Variants in LRCH1 observed in about 807,000 individuals in gnomAD.
LRCH1 encodes leucine-rich repeat and calponin homology domain-containing protein 1.
A neutral mutation model predicts 94.9 loss-of-function variants in LRCH1; 23 were observed. The observed-to-expected ratio is 0.24, with a 90% CI of 0.17 to 0.34. The LOEUF (loss-of-function observed/expected upper bound fraction) is 0.34. Among genes scored for constraint, LRCH1 ranks in the 10% least tolerant of loss-of-function variants. The pLI is 1.00. For synonymous variants in LRCH1, 364 were observed against 354.9 expected, an observed-to-expected ratio of 1.03 and a Z score of -0.29; for missense variants, 790 against 945.9, an observed-to-expected ratio of 0.84 and a Z score of 2.16.
chr13:46,705,129 G>C lies in LRCH1; in HGVS notation c.1462G>C (p.Ala488Pro). The change falls in exon 12 of 20, where the codon GCC (alanine) becomes CCC (proline). Residue 488 changes from alanine to proline, a missense_variant. This residue lies in a region of LRCH1 where 460 missense variants were observed against 508.9 expected (regional missense o/e 0.90). Coordinates refer to ENST00000389797, the MANE Select transcript of LRCH1 (RefSeq NM_001164211.2). ...LNLYPMGSAEALELQDSALNG... is the reference protein window; with the variant it reads ...LNLYPMGSAEPLELQDSALNG... ...CCTATATCCTATGGGATCAGCAGAA[G>C]CCTTAGAATTACAAGATTCTGCACT... 1.9e-6 allele frequency: 3 copies of C among 1,609,274 alleles called. No individual in the cohort carries two copies. In the South Asian group the frequency reaches 3.3e-5, roughly 18 times the overall value.
chr13:46,582,370 C>CTTTTTTTTTTTTTT (rs10686269), intron 1 of LRCH1, among the ~76,000 whole-genome samples: 2 of 79,590 alleles, frequency 2.5e-5, no homozygotes, highest in Admixed American at 3.5e-4. Context: ...TTGCTCTCAT[C>CTTTTTTTTTTTTTT]TTTTTTTTTT....
At chr13:46,713,263 C>T (rs139470375) in intron 15 of LRCH1, among the ~76,000 whole-genome samples, 11 of 152,264 alleles carry the variant, frequency 7.2e-5, no homozygotes, top group African/African-American at 2.6e-4. Context: ...TGCTAATCTT[C>T]CTTCTTTTAG....
intron 2 of LRCH1, among the ~76,000 whole-genome samples, chr13:46,665,026 T>C (rs2051496949): frequency 1.3e-5 from 2 of 152,202 alleles, no homozygotes; most frequent in African/African-American, 2.4e-5. Flanking sequence ...AAGCAGCCAA[T>C]TGAGTGAGTA....
rs543772992 is a variant in LRCH1, at chr13:46,553,194, G to A, written c.-203G>A. ...CGCAGTCCTTAGCTTCCCGGGGACA[G>A]GAAACCTTCAAGACCGAGCTGCCAC... On this transcript the variant is annotated 5_prime_UTR_variant, in exon 1 of 20. Transcript: ENST00000389797. The A allele has an allele frequency of 1.0e-4, 59 of 571,876 alleles. No individual in the cohort carries two copies. The East Asian group carries it at 1.5e-3, about 15-fold the overall frequency. The allele number at this position is 571,876 out of a possible 1,614,324, so 35.4% of individuals were successfully genotyped here.
chr13:46,620,832 A>G (rs1198840138), intron 1 of LRCH1, among the ~76,000 whole-genome samples: 1 of 152,250 alleles, frequency 6.6e-6, no homozygotes, highest in African/African-American at 2.4e-5. Context: ...CATTGACTAA[A>G]GATAATTAAC....
intron 3 of LRCH1, among the ~76,000 whole-genome samples, chr13:46,675,637 C>T (rs929588794): frequency 6.6e-6 from 1 of 152,152 alleles, no homozygotes; most frequent in African/African-American, 2.4e-5. Flanking sequence ...ATCCCTTCTT[C>T]ATTATTTGCT....
rs1175541797 is a variant in LRCH1, at chr13:46,743,645, C to G, written c.*1797C>G. 3.0e-6 allele frequency: 3 copies of G among 985,232 alleles called. No individual in the cohort carries two copies. The highest frequency in any genetic ancestry group is 3.6e-6 in the Non-Finnish European group (3 of 829,892). The allele number at this position is 985,232 out of a possible 1,614,324, so 61.0% of individuals were successfully genotyped here. A position where few individuals can be genotyped will look rare whatever the true frequency, so the allele number is the denominator to read the frequency against. ...GATACATGTATTCATGAGCTCTCAG[C>G]ATTCCCATCCAGCTCTGCAGTGCAT... is the stretch of plus-strand genomic sequence containing the variant. On this transcript the variant is annotated 3_prime_UTR_variant, in exon 20 of 20. Coordinates refer to ENST00000389797, the MANE Select transcript of LRCH1 (RefSeq NM_001164211.2).
chr13:46,672,242 A>C (rs1237505863), intron 3 of LRCH1, among the ~76,000 whole-genome samples: 1 of 151,708 alleles, frequency 6.6e-6, no homozygotes, highest in Non-Finnish European at 1.5e-5. Context: ...GTGCTGAATA[A>C]TATTCCACTG....
intron 1 of LRCH1, among the ~76,000 whole-genome samples, chr13:46,634,811 AG>A (rs2051063207): frequency 6.9e-6 from 1 of 145,430 alleles, no homozygotes; most frequent in African/African-American, 2.5e-5. Context: ...TCTATAAATG[AG>A]TGAGTAAGTG....
intron 1 of LRCH1, among the ~76,000 whole-genome samples, chr13:46,645,114 A>G (rs1409056672): frequency 6.6e-6 from 1 of 152,076 alleles, no homozygotes; most frequent in Non-Finnish European, 1.5e-5. Context: ...AAGGGGGGAG[A>G]GCAAATATAA....
rs1421449764 is a variant in LRCH1 at position 46,696,232 on chromosome 13, A to ACACT, written c.1245+1216_1245+1217insACTC. 3.0e-3 allele frequency among the ~76,000 whole-genome samples: 416 copies of ACACT among 140,286 alleles called. 1 individual carries two copies. The highest frequency in any genetic ancestry group is 0.01 in the African/African-American group (390 of 37,254). The allele number at this position is 140,286 out of a possible 152,430, so 92.0% of individuals were successfully genotyped here. A position where few individuals can be genotyped will look rare whatever the true frequency, so the allele number is the denominator to read the frequency against. The stretch of plus-strand genomic sequence containing the variant: ...CACACACACACACACACACACACAC[A>ACACT]CTCTTTATATTCTGCCACCAAACAT... On this transcript the variant is annotated intron_variant, in intron 9 of 19. Transcript: ENST00000389797.
chr13:46,687,759 T>C, intron 5 of LRCH1, 93 bp from the exon 6 acceptor site: 1 of 1,053,204 alleles, frequency 9.5e-7, no homozygotes, highest in Non-Finnish European at 1.4e-6. Flanking sequence ...AAAATGAAAC[T>C]GGGAAAATTG....
At position 46,742,864 on chromosome 13, in the gene LRCH1, T is replaced by C. The variant is rs563895421; in HGVS notation, c.*1016T>C. ...TTCTAGAAGAATGTAGTTTCTCTAA[T>C]TATTTGAAATGTTCATTTAGCCTTT... On this transcript the variant is annotated 3_prime_UTR_variant, in exon 20 of 20. Coordinates refer to ENST00000389797, the MANE Select transcript of LRCH1 (RefSeq NM_001164211.2). The C allele has an allele frequency of 3.0e-6, 3 of 985,302 alleles. No individual in the cohort carries two copies. The South Asian group carries it at 1.4e-4, about 46-fold the overall frequency. The allele number at this position is 985,302 out of a possible 1,614,324, so 61.0% of individuals were successfully genotyped here. A position where few individuals can be genotyped will look rare whatever the true frequency, so the allele number is the denominator to read the frequency against.
chr13:46,574,587 A>G (rs912387988), intron 1 of LRCH1, among the ~76,000 whole-genome samples: 1 of 152,204 alleles, frequency 6.6e-6, no homozygotes, highest in Non-Finnish European at 1.5e-5. Context: ...ATCCATTAGA[A>G]GACTTAAAAT....
chr13:46,706,888 T>G (rs985499233), intron 13 of LRCH1, among the ~76,000 whole-genome samples: 2 of 152,226 alleles, frequency 1.3e-5, no homozygotes, highest in Admixed American at 1.3e-4. Flanking sequence ...TACACACAGT[T>G]CTTTTTCTGA....
chr13:46,612,708 A>T (rs551327169), intron 1 of LRCH1, among the ~76,000 whole-genome samples: 1 of 152,330 alleles, frequency 6.6e-6, no homozygotes. Flanking sequence ...TTTCAAAACA[A>T]AATTATGAAA....
At chr13:46,728,779 T>A in intron 17 of LRCH1, 68 bp from the exon 18 acceptor site, 2 of 1,439,688 alleles carry the variant, frequency 1.4e-6, no homozygotes, top group Non-Finnish European at 1.9e-6. Context: ...TAAATACCCA[T>A]AAATGTATTT....
At chr13:46,600,989 G>T (rs2050621844) in intron 1 of LRCH1, among the ~76,000 whole-genome samples, 1 of 152,188 alleles carries the variant, frequency 6.6e-6, no homozygotes, top group South Asian at 2.1e-4. Flanking sequence ...TTGGGAAATG[G>T]GGCTTGCTGA....
rs1481740559 is a variant in LRCH1 at position 46,744,338 on chromosome 13, G to C, written c.*2490G>C. On this transcript the variant is annotated 3_prime_UTR_variant, in exon 20 of 20. Transcript: ENST00000389797. Reference sequence around the variant, plus strand: ...TCCAATGTTAGATAAAAGGAGCCAAGTATCTATTTACATTTTATTTTGAAA... The same window carrying C: ...TCCAATGTTAGATAAAAGGAGCCAACTATCTATTTACATTTTATTTTGAAA... 21 of 985,182 alleles carry C rather than the reference G, an allele frequency of 2.1e-5. No individual in the cohort carries two copies. The highest frequency in any genetic ancestry group is 1.8e-4 in the Admixed American group (3 of 16,262). 61.0% of individuals were successfully genotyped at this position (985,182 alleles called of 1,614,324 possible).
Sources: allele counts gnomAD v4.1 joint callset (sites outside exome capture counted in the v4.1 genomes callset), GRCh38; gene constraint gnomAD v4.1.1; regional missense constraint gnomAD v4.1.1; transcripts MANE v1.5; gene names NCBI Gene and HGNC (gene_info 2026-07-23, HGNC 2026-07-21).